Variants in BRD1 observed in about 807,000 individuals in gnomAD.
BRD1 encodes the protein bromodomain-containing protein 1.
A neutral mutation model predicts 107.7 loss-of-function variants in BRD1; 24 were observed. That is an observed-to-expected ratio of 0.22 (90% CI 0.16 to 0.31). BRD1 has a LOEUF of 0.31. Among genes scored for constraint, BRD1 ranks in the 10% least tolerant of loss-of-function variants. The pLI is 1.00. For missense variants in BRD1, 1,279 were observed against 1,638.6 expected (o/e 0.78, Z 3.79); for synonymous variants, 744 against 686.1 (o/e 1.08, Z -1.32).
chr22:49,776,186 C>T, intron 10 of BRD1, 27 bp from the exon 11 acceptor site: 1 of 1,585,480 alleles, frequency 6.3e-7, no homozygotes, highest in Non-Finnish European at 8.6e-7. Context: ...CAGCAGGACA[C>T]AGGCGTCAGC....
At chr22:49,789,688 C>T (rs945071426) in intron 7 of BRD1, among the ~76,000 whole-genome samples, 3 of 152,202 alleles carry the variant, frequency 2.0e-5, no homozygotes, top group Admixed American at 6.5e-5. Context: ...CCCCAACCAC[C>T]TACAGCCCAC....
Position 49,774,479 on chromosome 22 carries a change from T to G in BRD1, c.3387-63A>C, listed in dbSNP as rs116112361. 1,334 of 1,523,106 alleles carry G rather than the reference T, an allele frequency of 8.8e-4. 12 individuals are homozygous for G. The East Asian group carries it at 0.012, about 14-fold the overall frequency. The allele number at this position is 1,523,106 out of a possible 1,614,324, so 94.3% of individuals were successfully genotyped here. On this transcript the variant is annotated intron_variant, in intron 12 of 12. Coordinates refer to ENST00000404760, the MANE Select transcript of BRD1 (RefSeq NM_001304808.3). ...GCACATGGTATTTCAGCAGGCTCCA[T>G]GTAATCATCTAACAAATTCACTGCC...
chr22:49,824,772 G>C lies in BRD1; in HGVS notation c.-14-441C>G. The C allele has an allele frequency of 9.8e-7, 1 of 1,023,294 alleles. No individual in the cohort carries two copies. The highest frequency in any genetic ancestry group is 3.9e-5 in the South Asian group (1 of 25,706). The allele number at this position is 1,023,294 out of a possible 1,614,324, so 63.4% of individuals were successfully genotyped here. On this transcript the variant is annotated intron_variant, in intron 1 of 12. Transcript: ENST00000404760. The surrounding 1 kb of genome is among the most constrained non-coding windows in gnomAD (Gnocchi z 5.9). ...GCACAGAGGCTATGCCCACCAGACA[G>C]GCATGCTCAGTGGCTACCTGGTCCT...
chr22:49,809,782 G>A (rs564700867), intron 2 of BRD1, among the ~76,000 whole-genome samples: 5 of 152,220 alleles, frequency 3.3e-5, no homozygotes, highest in South Asian at 2.1e-4. Context: ...ACTGCCTAAC[G>A]GGACATCTTG....
intron 10 of BRD1, among the ~76,000 whole-genome samples, chr22:49,776,807 G>C (rs1028533896): frequency 6.6e-6 from 1 of 152,246 alleles, no homozygotes; most frequent in Non-Finnish European, 1.5e-5. Flanking sequence ...CGTTCCACAG[G>C]GAAACGAAGG....
chr22:49,823,889 G>T lies in BRD1; in HGVS notation c.429C>A (p.Ile143=). ...PRRPPVYYKF[I]EKSAEELDNE... ...TGTCCAGTTCCTCGGCCGACTTCTC[G>T]ATGAACTTGTAGTACACAGGAGGCC... The change falls in exon 2 of 13, where the codon ATC becomes ATA. Residue 143 remains isoleucine, a synonymous_variant. Coordinates refer to ENST00000404760, the MANE Select transcript of BRD1 (RefSeq NM_001304808.3). 1 of 1,614,190 alleles carries T rather than the reference G, an allele frequency of 6.2e-7. No individual in the cohort carries two copies.
intron 7 of BRD1, among the ~76,000 whole-genome samples, chr22:49,788,934 G>C (rs2059380856): frequency 6.6e-6 from 1 of 152,198 alleles, no homozygotes; most frequent in South Asian, 2.1e-4. Flanking sequence ...GGTTACTATT[G>C]TCATTCAAAA....
rs112807294 is a variant in BRD1 at position 49,802,116 on chromosome 22, A to T, written c.1524+2088T>A. 2.5e-3 allele frequency among the ~76,000 whole-genome samples: 383 copies of T among 151,740 alleles called. 2 individuals carry two copies. The highest frequency in any genetic ancestry group is 8.4e-3 in the African/African-American group (346 of 41,164). On this transcript the variant is annotated intron_variant, in intron 3 of 12. Coordinates refer to ENST00000404760, the MANE Select transcript of BRD1 (RefSeq NM_001304808.3). ...TTCCTCCCAAAAAAGCCTCTCTTCC[A>T]TTCCCCAACATCGCAGGGGCGGAGA...
In BRD1 at chr22:49,792,850, A is replaced by C. The variant is rs1344702135; in HGVS notation, c.2359+1184T>G. On this transcript the variant is annotated intron_variant, in intron 7 of 12. Coordinates refer to ENST00000404760, the MANE Select transcript of BRD1 (RefSeq NM_001304808.3). This position sits in a 1 kb window ranked among gnomAD's most constrained non-coding sequence, Gnocchi z 4.2. The stretch of plus-strand genomic sequence containing the variant: ...ATGTAAAACAGGATAAAAGGGGCGA[A>C]GCTCTGCAGACAGGAGCCACAAGAA... 6.6e-6 allele frequency among the ~76,000 whole-genome samples: 1 copy of C among 152,214 alleles called. No individual in the cohort carries two copies. Among genetic ancestry groups the C allele is most frequent in the Non-Finnish European group, 1.5e-5 (1 of 68,034 alleles).
chr22:49,797,168 G>C (rs1315556754), intron 6 of BRD1, among the ~76,000 whole-genome samples: 2 of 152,224 alleles, frequency 1.3e-5, no homozygotes, highest in Non-Finnish European at 2.9e-5. Flanking sequence ...GTCTAGAGAA[G>C]GGTGCAGGTG....
chr22:49,813,776 C>T (rs1339591600), intron 2 of BRD1, among the ~76,000 whole-genome samples: 1 of 151,342 alleles, frequency 6.6e-6, no homozygotes, highest in Non-Finnish European at 1.5e-5. Flanking sequence ...CTGCAGTGAG[C>T]CAAGACTGTG....
chr22:49,813,638 C>T (rs573297160), intron 2 of BRD1, among the ~76,000 whole-genome samples: 12 of 151,778 alleles, frequency 7.9e-5, no homozygotes, highest in Admixed American at 5.9e-4. Context: ...TCGAGACCAG[C>T]CTGGCCAACA....
chr22:49,797,282 G>A lies in BRD1; in HGVS notation c.2098+523C>T, dbSNP rs114939183. 9.2e-3 allele frequency among the ~76,000 whole-genome samples: 1,404 copies of A among 152,340 alleles called. 26 individuals carry two copies. The highest frequency in any genetic ancestry group is 0.033 in the African/African-American group (1,357 of 41,570). On this transcript the variant is annotated intron_variant, in intron 6 of 12. Coordinates refer to ENST00000404760, the MANE Select transcript of BRD1 (RefSeq NM_001304808.3). ...ACTCCCAGAGCCCTTTCTACAACAT[G>A]CGCAAACCACGAAGTTAAAGGGCTG...
chr22:49,785,184 G>A (rs2059299030), intron 8 of BRD1, among the ~76,000 whole-genome samples: 2 of 152,392 alleles, frequency 1.3e-5, no homozygotes, highest in South Asian at 4.1e-4. Flanking sequence ...GGTTGCTGAG[G>A]ACGTGGCCGC....
chr22:49,795,750 C>T (rs567582832), intron 6 of BRD1, among the ~76,000 whole-genome samples: 2 of 152,224 alleles, frequency 1.3e-5, no homozygotes, highest in Non-Finnish European at 2.9e-5. Flanking sequence ...CAAGCCAGAG[C>T]GTGATGGCTG....
intron 6 of BRD1, 55 bp from the exon 7 acceptor site, chr22:49,794,349 C>T: frequency 6.4e-7 from 1 of 1,553,700 alleles, no homozygotes. Flanking sequence ...CTTCTGGGAA[C>T]ACATCACCGG....
At chr22:49,780,598 C>T (rs1004303913) in intron 8 of BRD1, among the ~76,000 whole-genome samples, 1 of 152,120 alleles carries the variant, frequency 6.6e-6, no homozygotes, top group African/African-American at 2.4e-5. Flanking sequence ...CTGCAGCCAC[C>T]GCCTGGAGTC....
intron 2 of BRD1, among the ~76,000 whole-genome samples, chr22:49,820,524 T>G (rs2060045711): frequency 1.3e-5 from 2 of 152,158 alleles, no homozygotes; most frequent in Non-Finnish European, 2.9e-5. Context: ...GAAGATCGCT[T>G]GAGTCCAAGA....
At chr22:49,786,130 G>C (rs2059319101) in intron 8 of BRD1, among the ~76,000 whole-genome samples, 1 of 151,214 alleles carries the variant, frequency 6.6e-6, no homozygotes, top group Non-Finnish European at 1.5e-5. Flanking sequence ...GCACAGCCAG[G>C]AGAAAATGCG....
Sources: gnomAD v4.1 joint callset for allele counts (sites outside exome capture counted in the v4.1 genomes callset) on GRCh38, gnomAD v4.1.1 for gene constraint, Gnocchi (gnomAD v3.1) non-coding constraint, MANE v1.5 for transcripts, NCBI Gene and HGNC (gene_info 2026-07-23, HGNC 2026-07-21) for gene names.